The following MARCHF11 variants were observed in gnomAD, a reference collection of about 807,000 sequenced individuals.
MARCHF11 encodes E3 ubiquitin-protein ligase MARCHF11.
A neutral mutation model predicts 37.3 loss-of-function variants in MARCHF11; 29 were observed. The ratio of observed to expected loss-of-function variants is 0.78; its 90% CI spans 0.58 to 1.06. The LOEUF is 1.06. MARCHF11 is among the 50% of genes least tolerant of loss of function. The pLI is 0.00. For synonymous variants in MARCHF11, 233 were observed against 228.0 expected, an observed-to-expected ratio of 1.02 and a Z score of -0.20; for missense variants, 482 against 533.4, an observed-to-expected ratio of 0.90 and a Z score of 0.95.
rs1434979236 is a variant in MARCHF11, at chr5:16,147,076, G to A, written c.693+30650C>T. ...ATCAAAAGAAAGGAATATTTCAAAA[G>A]ACTATCTTTTATTTGATATTGCAGT... On this transcript the variant is annotated intron_variant, in intron 2 of 3. Coordinates refer to ENST00000332432, the MANE Select transcript of MARCHF11 (RefSeq NM_001102562.3). Among the ~76,000 whole-genome samples, 3 of 152,078 alleles carry A rather than the reference G, an allele frequency of 2.0e-5. No individual in the cohort carries two copies. The East Asian group carries it at 5.8e-4, about 29-fold the overall frequency.
At chr5:16,169,412 G>T (rs1382835617) in intron 2 of MARCHF11, among the ~76,000 whole-genome samples, 1 of 152,064 alleles carries the variant, frequency 6.6e-6, no homozygotes, top group African/African-American at 2.4e-5. Context: ...CATTGTACAG[G>T]TGTCATCAAT....
At chr5:16,146,543 G>A (rs553718630) in intron 2 of MARCHF11, among the ~76,000 whole-genome samples, 51 of 152,218 alleles carry the variant, frequency 3.4e-4, no homozygotes, top group South Asian at 4.1e-4. Context: ...AGGACTCTAC[G>A]GCTCATTTAC....
At chr5:16,133,748 G>A (rs1737560731) in intron 2 of MARCHF11, among the ~76,000 whole-genome samples, 1 of 152,074 alleles carries the variant, frequency 6.6e-6, no homozygotes. Flanking sequence ...AATGGAAGAA[G>A]AATTGTCTTG....
At chr5:16,138,663 A>G (rs916970427) in intron 2 of MARCHF11, among the ~76,000 whole-genome samples, 7 of 152,076 alleles carry the variant, frequency 4.6e-5, no homozygotes, top group Non-Finnish European at 4.4e-5. Flanking sequence ...GACAATGCCA[A>G]CTCGTGAAAA....
chr5:16,073,460 T>C (rs774855837), intron 3 of MARCHF11, among the ~76,000 whole-genome samples: 1 of 152,188 alleles, frequency 6.6e-6, no homozygotes, highest in Non-Finnish European at 1.5e-5. Flanking sequence ...GTCTTGTTAA[T>C]ATGCATAAAA....
chr5:16,113,648 C>T (rs1045322317), intron 2 of MARCHF11, among the ~76,000 whole-genome samples: 4 of 151,912 alleles, frequency 2.6e-5, no homozygotes, highest in Non-Finnish European at 4.4e-5. Flanking sequence ...AAAAATGTAA[C>T]ACAGTATTTT....
At chr5:16,142,863 C>A (rs1377427733) in intron 2 of MARCHF11, among the ~76,000 whole-genome samples, 2 of 136,814 alleles carry the variant, frequency 1.5e-5, no homozygotes, top group Non-Finnish European at 3.1e-5. Context: ...AGATTACAGG[C>A]ATGCGCACCA....
At chr5:16,135,764 A>T (rs1231780288) in intron 2 of MARCHF11, among the ~76,000 whole-genome samples, 1 of 152,016 alleles carries the variant, frequency 6.6e-6, no homozygotes, top group African/African-American at 2.4e-5. Context: ...TGGAACACTT[A>T]TTTGGAACAG....
chr5:16,094,209 C>T (rs1319222009), intron 2 of MARCHF11, among the ~76,000 whole-genome samples: 3 of 152,112 alleles, frequency 2.0e-5, no homozygotes, highest in Non-Finnish European at 2.9e-5. Context: ...CTCATTCTTC[C>T]GCTAGAAGAA....
intron 3 of MARCHF11, among the ~76,000 whole-genome samples, chr5:16,074,701 A>G (rs1388548930): frequency 1.3e-5 from 2 of 152,224 alleles, no homozygotes; most frequent in African/African-American, 4.8e-5. Context: ...AAGAAACATA[A>G]GGACAATGAA....
chr5:16,069,968 A>G (rs1397058962), intron 3 of MARCHF11, among the ~76,000 whole-genome samples: 1 of 152,196 alleles, frequency 6.6e-6, no homozygotes, highest in Non-Finnish European at 1.5e-5. Context: ...ATATATTAAT[A>G]TAGGCTACAA....
intron 3 of MARCHF11, 103 bp from the exon 4 acceptor site, chr5:16,067,896 C>A: frequency 1.0e-6 from 1 of 995,014 alleles, no homozygotes; most frequent in Non-Finnish European, 1.4e-6. Flanking sequence ...TTATGTTATT[C>A]ATCATCAGCA....
intron 2 of MARCHF11, among the ~76,000 whole-genome samples, chr5:16,148,633 T>C (rs909482554): frequency 6.6e-6 from 1 of 152,182 alleles, no homozygotes; most frequent in African/African-American, 2.4e-5. Context: ...AGCCAGCTAG[T>C]GCAAAAGCAG....
chr5:16,148,503 T>C (rs916699397), intron 2 of MARCHF11, among the ~76,000 whole-genome samples: 161 of 152,206 alleles, frequency 1.1e-3, no homozygotes, highest in African/African-American at 3.6e-3. Flanking sequence ...GAATGGCAGG[T>C]TTGGTGATGA....
chr5:16,080,559 T>C (rs1407861266), intron 3 of MARCHF11, among the ~76,000 whole-genome samples: 2 of 152,186 alleles, frequency 1.3e-5, no homozygotes, highest in African/African-American at 4.8e-5. Flanking sequence ...AGAATGAGCC[T>C]ATGACCTTTC....
intron 2 of MARCHF11, among the ~76,000 whole-genome samples, chr5:16,174,838 T>G (rs1431602025): frequency 2.6e-5 from 4 of 152,204 alleles, no homozygotes; most frequent in Non-Finnish European, 5.9e-5. Flanking sequence ...ATGGCCACTC[T>G]CTTTAAAAGA....
intron 2 of MARCHF11, among the ~76,000 whole-genome samples, chr5:16,112,671 A>T (rs1737167077): frequency 6.6e-6 from 1 of 152,184 alleles, no homozygotes; most frequent in South Asian, 2.1e-4. Context: ...ACTGTTGGGA[A>T]GGCATGATTG....
chr5:16,140,301 G>T (rs1202921796), intron 2 of MARCHF11, among the ~76,000 whole-genome samples: 1 of 151,810 alleles, frequency 6.6e-6, no homozygotes, highest in East Asian at 1.9e-4. Context: ...CCAAAATAAA[G>T]AAAAAATATA....
At chr5:16,148,347 A>G (rs188260243) in intron 2 of MARCHF11, among the ~76,000 whole-genome samples, 161 of 152,208 alleles carry the variant, frequency 1.1e-3, no homozygotes, top group African/African-American at 3.6e-3. Context: ...CTTAGAAATT[A>G]ACCAAATTCA....
Sources: allele counts gnomAD v4.1 joint callset (sites outside exome capture counted in the v4.1 genomes callset), GRCh38; gene constraint gnomAD v4.1.1; transcripts MANE v1.5; gene names NCBI Gene and HGNC (gene_info 2026-07-23, HGNC 2026-07-21).